VPS39: variants seen among roughly 807,000 people sequenced by gnomAD.
VPS39 encodes vam6/Vps39-like protein.
VPS39 carries 70 observed loss-of-function variants against 121.0 expected under a neutral mutation model. The observed-to-expected ratio is 0.58, with a 90% CI of 0.48 to 0.71. The LOEUF (loss-of-function observed/expected upper bound fraction) is 0.71. VPS39 is among the 30% of genes least tolerant of loss of function. VPS39 has a pLI of 0.00. For missense variants in VPS39, 818 were observed against 1,051.5 expected (o/e 0.78, Z 3.07); for synonymous variants, 378 against 398.1 (o/e 0.95, Z 0.60).
At chr15:42,186,553 T>C (rs1174187392) in intron 7 of VPS39, among the ~76,000 whole-genome samples, 2 of 152,256 alleles carry the variant, frequency 1.3e-5, no homozygotes, top group Non-Finnish European at 2.9e-5. Flanking sequence ...ATTTAGATTA[T>C]TCAATGAAAC....
At position 42,162,017 on chromosome 15, in the gene VPS39, A is replaced by G. The variant is rs755471009; in HGVS notation, c.2460+15T>C. On this transcript the variant is annotated intron_variant, in intron 23 of 24. Transcript: ENST00000318006. ...GTTAAAAGCCCACCCTAGAGTTTGG[A>G]AGGCCCATACCTACCCTCAGGAATT... The G allele has an allele frequency of 6.2e-7, 1 of 1,613,882 alleles. No homozygotes were observed. Among genetic ancestry groups the G allele is most frequent in the Non-Finnish European group, 8.5e-7 (1 of 1,179,936 alleles).
At chr15:42,166,309 G>A in intron 15 of VPS39, 77 bp from the exon 16 acceptor site, 1 of 1,450,534 alleles carries the variant, frequency 6.9e-7, no homozygotes, top group South Asian at 1.2e-5. Context: ...TGGGCAGGTT[G>A]CCCCAGAATT....
Position 42,204,944 on chromosome 15 carries a change from T to G in VPS39, c.73+3137A>C, listed in dbSNP as rs115986602. Among the ~76,000 whole-genome samples, 119 of 152,288 alleles carry G rather than the reference T, an allele frequency of 7.8e-4. 1 individual carries two copies. Among genetic ancestry groups the G allele is most frequent in the Middle Eastern group, 3.4e-3 (1 of 294 alleles). ...CAGGCTTTGAATATACATTCAAGTT[T>G]GAGAACCAGGCTCTAGAAGCAGACA... is the stretch of plus-strand genomic sequence containing the variant. On this transcript the variant is annotated intron_variant, in intron 1 of 24. Coordinates refer to ENST00000318006, the MANE Select transcript of VPS39 (RefSeq NM_015289.5).
Position 42,160,554 on chromosome 15 carries a change from A to C in VPS39, c.*200T>G, listed in dbSNP as rs940063116. Reference sequence around the variant, plus strand: ...AACATAATGGTATAAGGTATAACTAATCTCTTTTCCCATTAAAAAGCTGGC... The same window carrying C: ...AACATAATGGTATAAGGTATAACTACTCTCTTTTCCCATTAAAAAGCTGGC... On this transcript the variant is annotated 3_prime_UTR_variant, in exon 25 of 25. Transcript: ENST00000318006. 6 of 599,684 alleles carry C rather than the reference A, an allele frequency of 1.0e-5. No individual in the cohort carries two copies. The highest frequency in any genetic ancestry group is 1.9e-5 in the African/African-American group (1 of 54,002). The allele number at this position is 599,684 out of a possible 1,614,324, so 37.1% of individuals were successfully genotyped here.
At chr15:42,172,521 A>C (rs2049366457) in intron 11 of VPS39, among the ~76,000 whole-genome samples, 1 of 152,250 alleles carries the variant, frequency 6.6e-6, no homozygotes, top group Non-Finnish European at 1.5e-5. Context: ...TGTTACTTTA[A>C]GCCATACAGT....
At chr15:42,192,054 G>A (rs1257317753) in intron 2 of VPS39, 10 of 1,536,268 alleles carry the variant, frequency 6.5e-6, no homozygotes, top group Non-Finnish European at 8.7e-6. Context: ...AATTCAATGC[G>A]TCTACACTTA....
At chr15:42,160,901 T>G (rs2049114726) in intron 24 of VPS39, 72 bp from the exon 25 acceptor site, 4 of 1,501,496 alleles carry the variant, frequency 2.7e-6, no homozygotes, top group Admixed American at 3.3e-5. Context: ...CGGCACCTCC[T>G]ACAGAAGAGG....
Position 42,162,130 on chromosome 15 carries a change from C to T in VPS39, c.2362G>A (p.Asp788Asn), listed in dbSNP as rs376252394. 2.7e-4 allele frequency: 431 copies of T among 1,614,046 alleles called. No individual in the cohort carries two copies. Among genetic ancestry groups the T allele is most frequent in the Non-Finnish European group, 3.6e-4 (420 of 1,180,046 alleles). ...ACCTTTTCCAGGAAGATGCGTATGT[C>T]ATTGATCTGAGTGTTTGCTGGCAGA... ...NLLPANTQIN[D>N]IRIFLEKVLE... The change falls in exon 23 of 25, where the codon GAC becomes AAC. Residue 788 changes from aspartate (D) to asparagine (N), a missense_variant. Asp to Asn is a conservative substitution (Grantham distance 23, BLOSUM62 1). Coordinates refer to ENST00000318006, the MANE Select transcript of VPS39 (RefSeq NM_015289.5).
intron 18 of VPS39, chr15:42,164,745 C>T (rs1198987522): frequency 8.4e-6 from 12 of 1,427,218 alleles, no homozygotes; most frequent in Non-Finnish European, 1.0e-5. Context: ...TGTCATCTTG[C>T]AGACAGGTCT....
At chr15:42,174,449 G>A (rs2049408469) in intron 10 of VPS39, among the ~76,000 whole-genome samples, 1 of 152,172 alleles carries the variant, frequency 6.6e-6, no homozygotes, top group South Asian at 2.1e-4. Context: ...TCACAGACCA[G>A]AGGACACTAA....
intron 2 of VPS39, chr15:42,192,085 T>C (rs2049840007): frequency 6.5e-7 from 1 of 1,536,450 alleles, no homozygotes; most frequent in Non-Finnish European, 8.7e-7. Flanking sequence ...CAGGTGATGC[T>C]ACATCTGCTG....
At position 42,167,483 on chromosome 15, in the gene VPS39, A is replaced by C. The variant is rs2049267993; in HGVS notation, c.1288T>G (p.Ser430Ala). The C allele has an allele frequency of 6.2e-7, 1 of 1,614,038 alleles. No homozygotes were observed. Residue 430 changes from serine to alanine, a missense_variant, in exon 13 of 25, where the codon TCA (serine) becomes GCA (alanine). Coordinates refer to ENST00000318006, the MANE Select transcript of VPS39 (RefSeq NM_015289.5). ...LNDSDHQSST[S>A]PLMEGTPTIK... ...GTGGGAGTGCCTTCCATGAGCGGTG[A>C]GGTGCTTGACTGGTGATCAGAGTCA...
intron 7 of VPS39, among the ~76,000 whole-genome samples, chr15:42,186,381 C>CA (rs1370203855): frequency 6.6e-6 from 1 of 152,162 alleles, no homozygotes; most frequent in East Asian, 1.9e-4. Flanking sequence ...ACGGAGGCTG[C>CA]AGTGAGCCAA....
At chr15:42,189,242 G>C in intron 4 of VPS39, 34 bp from the exon 5 acceptor site, 1 of 1,552,212 alleles carries the variant, frequency 6.4e-7, no homozygotes, top group Non-Finnish European at 8.9e-7. Flanking sequence ...CAGGATCAAT[G>C]ATCATAATTC....
rs961437154 is a variant in VPS39 at position 42,167,661 on chromosome 15, C to T, written c.1234-124G>A. On this transcript the variant is annotated intron_variant, in intron 12 of 24. Transcript: ENST00000318006. ...ATTGGCCTGATCTCACATTAGCATT[C>T]GATTTTTAGCACTGCCAAATTGCCA... 9.6e-6 allele frequency: 12 copies of T among 1,251,078 alleles called. No homozygotes were observed. The Admixed American group carries it at 2.2e-4, about 23-fold the overall frequency. 77.5% of individuals were successfully genotyped at this position (1,251,078 alleles called of 1,614,324 possible).
chr15:42,187,606 C>T, intron 6 of VPS39, 152 bp downstream of exon 6: 1 of 771,754 alleles, frequency 1.3e-6, no homozygotes, highest in East Asian at 2.4e-5. Context: ...ACTGTAGAAT[C>T]ATATTACAAG....
In VPS39 at chr15:42,178,503, C is replaced by T; in HGVS notation, c.786G>A (p.Arg262=). The T allele has an allele frequency of 6.2e-7, 1 of 1,614,150 alleles. No homozygotes were observed. Among genetic ancestry groups the T allele is most frequent in the Non-Finnish European group, 8.5e-7 (1 of 1,180,040 alleles). ...RYVEIRTFEP[R]LLVQSIELQR... ...GCAATTCAATGCTTTGGACCAGAAG[C>T]CTCGGTTCAAATGTTCGGATCTCAA... The change falls in exon 9 of 25, where the codon AGG becomes AGA. Residue 262 remains arginine, a synonymous_variant. Transcript: ENST00000318006.
intron 1 of VPS39, among the ~76,000 whole-genome samples, chr15:42,204,242 A>G (rs374444627): frequency 4.9e-4 from 74 of 152,388 alleles, no homozygotes; most frequent in African/African-American, 1.3e-3. Flanking sequence ...TAAGCCCCCA[A>G]TTAGCTGCAT....
chr15:42,178,659 A>C, intron 8 of VPS39, 89 bp from the exon 9 acceptor site: 2 of 1,547,572 alleles, frequency 1.3e-6, no homozygotes, highest in Non-Finnish European at 1.8e-6. Context: ...GATACATTTA[A>C]ATGGATCTCC....
Sources: gnomAD v4.1 joint callset for allele counts (sites outside exome capture counted in the v4.1 genomes callset) on GRCh38, gnomAD v4.1.1 for gene constraint, MANE v1.5 for transcripts, NCBI Gene and HGNC (gene_info 2026-07-23, HGNC 2026-07-21) for gene names.